PUDP: variants seen among roughly 807,000 people sequenced by gnomAD.
PUDP encodes the protein pseudouridine-5'-phosphatase.
PUDP carries 8 observed loss-of-function variants against 9.4 expected under a neutral mutation model. The observed-to-expected ratio is 0.85, with a 90% CI of 0.50 to 1.53. PUDP has a LOEUF of 1.53. Among genes scored for constraint, PUDP ranks in the 40% most tolerant of loss-of-function variants. The probability of loss-of-function intolerance (pLI) is 0.00; values close to 1 mark genes in which losing one functional copy is unlikely to be tolerated. For missense variants in PUDP, 188 were observed against 189.7 expected, an observed-to-expected ratio of 0.99 and a Z score of 0.05; for synonymous variants, 99 against 80.7, an observed-to-expected ratio of 1.23 and a Z score of -1.22.
intron 1 of PUDP, among the ~76,000 whole-genome samples, chrX:7,116,650 C>T (rs1932201075): frequency 8.9e-6 from 1 of 111,970 alleles, no homozygotes; most frequent in African/African-American, 3.2e-5. Context: ...CTCCATGCCC[C>T]CTCTACGCCA....
chrX:7,132,229 C>T (rs771716258), intron 1 of PUDP, among the ~76,000 whole-genome samples: 3 of 111,321 alleles, frequency 2.7e-5, no homozygotes, highest in South Asian at 7.8e-4. Context: ...ACACCCTGAA[C>T]ATCTCAATCT....
intron 1 of PUDP, among the ~76,000 whole-genome samples, chrX:7,147,231 G>A (rs1226001829): frequency 5.4e-5 from 6 of 110,803 alleles, no homozygotes; most frequent in Admixed American, 1.9e-4. Flanking sequence ...TGATTGGGCA[G>A]GGGTAGGGTG....
At chrX:6,728,669 A>G (rs1182054774) in intron 3 of PUDP, among the ~76,000 whole-genome samples, 1 of 111,410 alleles carries the variant, frequency 9.0e-6, no homozygotes, top group East Asian at 2.8e-4. Context: ...AAATATTGAA[A>G]AGGCTATTAA....
chrX:6,759,279 G>A (rs115235642), intron 3 of PUDP, among the ~76,000 whole-genome samples: 1,768 of 111,775 alleles, frequency 0.016, 36 homozygotes, highest in African/African-American at 0.054. Flanking sequence ...ACACAAGTGC[G>A]ACATTTTCCT....
chrX:7,020,290 T>C (rs1187432400), intron 1 of PUDP, among the ~76,000 whole-genome samples: 1 of 109,008 alleles, frequency 9.2e-6, no homozygotes. Context: ...TTTGAAAAAC[T>C]TGCCACTCAG....
intron 1 of PUDP, among the ~76,000 whole-genome samples, chrX:6,985,623 A>G (rs935509180): frequency 9.0e-5 from 10 of 111,524 alleles, no homozygotes; most frequent in Non-Finnish European, 1.7e-4. Flanking sequence ...CACCGGCTCT[A>G]TCAGCTTTTA....
intron 1 of PUDP, among the ~76,000 whole-genome samples, chrX:7,141,712 T>C (rs1342157002): frequency 1.8e-5 from 2 of 111,094 alleles, no homozygotes; most frequent in African/African-American, 6.8e-5. Context: ...CGTTCATAGC[T>C]AGAGAGGAGA....
At chrX:6,879,164 G>T (rs1186828846) in intron 3 of PUDP, among the ~76,000 whole-genome samples, 1 of 111,673 alleles carries the variant, frequency 9.0e-6, no homozygotes, top group African/African-American at 3.3e-5. Flanking sequence ...TCATGGCCCA[G>T]GACCATGTTA....
At chrX:7,060,040 T>G (rs1309586215) in intron 3 of PUDP, among the ~76,000 whole-genome samples, 1 of 112,109 alleles carries the variant, frequency 8.9e-6, no homozygotes, top group Admixed American at 9.4e-5. Flanking sequence ...GGTGAGCACG[T>G]GGCAGCTGGC....
rs754194154 is a variant in PUDP, at chrX:6,813,086, A to T, written c.*248-106620T>A. 4.5e-5 allele frequency among the ~76,000 whole-genome samples: 5 copies of T among 109,910 alleles called. No homozygotes were observed. In the East Asian group the frequency reaches 1.1e-3, roughly 25 times the overall value. On this transcript the variant is annotated intron_variant and NMD_transcript_variant, in intron 3 of 3. Coordinates refer to the PUDP transcript ENST00000655425. ...TCCAGCCTGGGAAACAGATAGAGACACTGTCTTGAAAGCAAGAAAGAGAGA... is the reference window on the plus strand; with the variant it reads ...TCCAGCCTGGGAAACAGATAGAGACTCTGTCTTGAAAGCAAGAAAGAGAGA...
chrX:6,712,646 G>A (rs778550046), intron 1 of PUDP, among the ~76,000 whole-genome samples: 8 of 111,903 alleles, frequency 7.1e-5, no homozygotes, highest in Non-Finnish European at 1.3e-4. Flanking sequence ...ATTCTGGGGA[G>A]CCATATACTG....
chrX:6,875,648 C>G (rs751748803), intron 3 of PUDP, among the ~76,000 whole-genome samples: 4 of 111,700 alleles, frequency 3.6e-5, no homozygotes, highest in Non-Finnish European at 7.5e-5. Context: ...CCAGACCTTC[C>G]CTGGCATGAC....
intron 3 of PUDP, among the ~76,000 whole-genome samples, chrX:6,814,600 A>G (rs1248432729): frequency 8.9e-6 from 1 of 111,990 alleles, no homozygotes; most frequent in Non-Finnish European, 1.9e-5. Context: ...GGCCTGTGGG[A>G]AAGCAATTAA....
intron 3 of PUDP, chrX:7,057,929 G>C: frequency 1.9e-6 from 1 of 527,366 alleles, no homozygotes; most frequent in Non-Finnish European, 3.1e-6. Flanking sequence ...TGATGCTCTC[G>C]TGTTCCTCCC....
intron 3 of PUDP, among the ~76,000 whole-genome samples, chrX:6,894,580 G>T (rs964587991): frequency 8.9e-6 from 1 of 112,112 alleles, no homozygotes; most frequent in Admixed American, 9.5e-5. Flanking sequence ...TCTGACATCA[G>T]CTCCATTTTC....
At chrX:6,784,676 C>T (rs186165817) in intron 3 of PUDP, among the ~76,000 whole-genome samples, 2 of 112,191 alleles carry the variant, frequency 1.8e-5, no homozygotes, top group African/African-American at 3.2e-5. Flanking sequence ...AACAATAATA[C>T]AGACTTGCTT....
At chrX:6,953,928 G>GTGGT (rs1273613700) in intron 3 of PUDP, among the ~76,000 whole-genome samples, 1 of 110,878 alleles carries the variant, frequency 9.0e-6, no homozygotes, top group African/African-American at 3.3e-5. Flanking sequence ...AATCATGAGG[G>GTGGT]TGGTTATCTC....
intron 1 of PUDP, among the ~76,000 whole-genome samples, chrX:6,984,551 CTAAATTCCT>C (rs763673073): frequency 2.1e-3 from 231 of 111,549 alleles, no homozygotes; most frequent in African/African-American, 6.7e-3. Context: ...CCAAAATTCC[CTAAATTCCT>C]ATAAATTAGT....
chrX:7,134,872 AGAAAT>A (rs1288715180), intron 1 of PUDP, among the ~76,000 whole-genome samples: 1 of 112,770 alleles, frequency 8.9e-6, no homozygotes, highest in Non-Finnish European at 1.9e-5. Context: ...AGGCCAGAAC[AGAAAT>A]ATGTGTAACA....
Sources: allele counts gnomAD v4.1 joint callset (sites outside exome capture counted in the v4.1 genomes callset), GRCh38; gene constraint gnomAD v4.1.1; transcripts MANE v1.5; gene names NCBI Gene and HGNC (gene_info 2026-07-23, HGNC 2026-07-21).